SPRED2: variants seen among roughly 807,000 people sequenced by gnomAD.
The protein encoded by SPRED2 is sprouty related EVH1 domain containing 2.
Under a neutral mutation model 43.0 loss-of-function variants are expected in SPRED2, and 47 were observed. The observed-to-expected ratio is 1.09, with a 90% CI of 0.87 to 1.40. The LOEUF is 1.40. Among genes scored for constraint, SPRED2 ranks in the 40% most tolerant of loss-of-function variants. SPRED2 has a pLI of 0.00. For missense variants in SPRED2, 561 were observed against 586.4 expected (o/e 0.96, Z 0.45); for synonymous variants, 225 against 225.7 (o/e 1.00, Z 0.03).
intron 1 of SPRED2, among the ~76,000 whole-genome samples, chr2:65,351,537 A>G (rs1237882318): frequency 1.3e-5 from 2 of 152,132 alleles, no homozygotes; most frequent in African/African-American, 4.8e-5. Context: ...CAACTCCCAG[A>G]CGCCAGCTGA....
chr2:65,362,213 G>T (rs1674832866), intron 1 of SPRED2, among the ~76,000 whole-genome samples: 1 of 152,174 alleles, frequency 6.6e-6, no homozygotes, highest in Non-Finnish European at 1.5e-5. Context: ...TAAGAGGGCT[G>T]AAGTGCCAGC....
At chr2:65,414,503 T>C (rs1312204375) in intron 1 of SPRED2, among the ~76,000 whole-genome samples, 1 of 152,164 alleles carries the variant, frequency 6.6e-6, no homozygotes, top group Non-Finnish European at 1.5e-5. Flanking sequence ...GCCTATCAGT[T>C]GTCATGGAGG....
At chr2:65,322,288 A>ATTTTTTTTT (rs1286632853) in intron 4 of SPRED2, among the ~76,000 whole-genome samples, 2 of 88,546 alleles carry the variant, frequency 2.3e-5, no homozygotes, top group African/African-American at 1.1e-4. Context: ...ATATATATAT[A>ATTTTTTTTT]TATATATTTT....
chr2:65,421,768 T>G (rs1676429143), intron 1 of SPRED2, among the ~76,000 whole-genome samples: 1 of 152,242 alleles, frequency 6.6e-6, no homozygotes. Context: ...AGTTCTGAGG[T>G]GTTTACAGGA....
At chr2:65,418,914 TAA>T (rs1676353766) in intron 1 of SPRED2, among the ~76,000 whole-genome samples, 1 of 152,124 alleles carries the variant, frequency 6.6e-6, no homozygotes, top group African/African-American at 2.4e-5. Flanking sequence ...TAAGTAAGAA[TAA>T]AAGTCTTTTT....
chr2:65,409,377 GAGAATTTTT>G (rs1676098768), intron 1 of SPRED2, among the ~76,000 whole-genome samples: 1 of 152,166 alleles, frequency 6.6e-6, no homozygotes. Flanking sequence ...CTGTTGAAAT[GAGAATTTTT>G]AGATACACTA....
At chr2:65,331,763 C>T (rs1398268691) in intron 4 of SPRED2, among the ~76,000 whole-genome samples, 1 of 152,234 alleles carries the variant, frequency 6.6e-6, no homozygotes, top group African/African-American at 2.4e-5. Flanking sequence ...GGAGAGCTGA[C>T]ACTGCTGTGC....
At chr2:65,373,404 T>C (rs1675173294) in intron 1 of SPRED2, among the ~76,000 whole-genome samples, 1 of 152,234 alleles carries the variant, frequency 6.6e-6, no homozygotes, top group African/African-American at 2.4e-5. Context: ...ATGTCCCTGA[T>C]GCTGGATCTA....
rs369730684 is a variant in SPRED2 at position 65,334,773 on chromosome 2, C to T, written c.205G>A (p.Val69Met). 16 of 1,613,962 alleles carry T rather than the reference C, an allele frequency of 9.9e-6. No homozygotes were observed. Among genetic ancestry groups the T allele is most frequent in the Non-Finnish European group, 1.4e-5 (16 of 1,180,004 alleles). ...IHGERQKDKL[V>M]VLECYVRKDL... is the part of the protein sequence containing the mutation. Reference sequence around the variant, plus strand: ...TTTCTTACATAGCATTCCAATACCACCTGAAGGATGGAAACACACAGGCTG... The same window carrying T: ...TTTCTTACATAGCATTCCAATACCATCTGAAGGATGGAAACACACAGGCTG... The change falls in exon 3 of 6, where the codon GTG becomes ATG. Residue 69 changes from valine (V) to methionine (M), a missense_variant and splice_region_variant. Coordinates refer to ENST00000356388, the MANE Select transcript of SPRED2 (RefSeq NM_181784.3).
rs2104205374 is a variant in SPRED2, at chr2:65,332,031, TG to T, written c.393del (p.Thr132ProfsTer74). The T allele has an allele frequency of 6.2e-7, 1 of 1,609,350 alleles. No homozygotes were observed. Among genetic ancestry groups the T allele is most frequent in the Non-Finnish European group, 8.5e-7 (1 of 1,177,152 alleles). ...CCAAGCTCAGCTTCATTATGGATGG[TG>T]GAAGATGACGTTGTTGAACCTAAAA... The part of the protein sequence containing the change: ...DLIEGSTTSS[S>X]TIHNEAELGD... On this transcript the variant is annotated frameshift_variant, in exon 4 of 6. Transcript: ENST00000356388. LOFTEE classifies it high-confidence loss of function.
chr2:65,396,180 T>C (rs1812560), intron 1 of SPRED2, among the ~76,000 whole-genome samples: 1 of 152,336 alleles, frequency 6.6e-6, no homozygotes, highest in South Asian at 2.1e-4. Flanking sequence ...CAGTTAAAGG[T>C]TGATTACTCT....
intron 4 of SPRED2, among the ~76,000 whole-genome samples, chr2:65,323,830 C>T (rs369957555): frequency 1.1e-3 from 172 of 152,022 alleles, no homozygotes; most frequent in African/African-American, 4.0e-3. Flanking sequence ...GAGCCGAGAT[C>T]GCGCCACTGC....
chr2:65,350,761 C>G (rs1674485037), intron 1 of SPRED2, among the ~76,000 whole-genome samples: 2 of 152,178 alleles, frequency 1.3e-5, no homozygotes, highest in Non-Finnish European at 2.9e-5. Flanking sequence ...CCTTTATGTT[C>G]TAAGTGTTCT....
rs139285329 is a variant in SPRED2 at position 65,425,442 on chromosome 2, A to AT, written c.26+6519dup. Among the ~76,000 whole-genome samples, 39 of 152,396 alleles carry AT rather than the reference A, an allele frequency of 2.6e-4. 1 individual carries two copies. The East Asian group carries it at 7.5e-3, about 29-fold the overall frequency. ...ACCCTTTGAGAGTAGCAGGAAGAAC[A>AT]TAAGCACAATTTGATAATACGTGTG... On this transcript the variant is annotated intron_variant, in intron 1 of 5. Coordinates refer to ENST00000356388, the MANE Select transcript of SPRED2 (RefSeq NM_181784.3).
chr2:65,408,865 C>T (rs1676089392), intron 1 of SPRED2, among the ~76,000 whole-genome samples: 1 of 152,200 alleles, frequency 6.6e-6, no homozygotes, highest in Non-Finnish European at 1.5e-5. Context: ...AAGCGTGAGC[C>T]ACTGCACCTG....
chr2:65,357,531 G>A (rs1168085985), intron 1 of SPRED2, among the ~76,000 whole-genome samples: 2 of 152,106 alleles, frequency 1.3e-5, no homozygotes, highest in African/African-American at 2.4e-5. Context: ...GACAACCCCC[G>A]ATCACACTTT....
At position 65,363,000 on chromosome 2, in the gene SPRED2, G is replaced by GTTTTT. The variant is rs759784526; in HGVS notation, c.27-18105_27-18104insAAAAA. On this transcript the variant is annotated intron_variant, in intron 1 of 5. Transcript: ENST00000356388. ...CACTTGCTTTCTCTATGGTCATCAT[G>GTTTTT]TTTTGTTTTTTTTTTTTTTTTTTTT... Among the ~76,000 whole-genome samples the GTTTTT allele has an allele frequency of 4.4e-3, 294 of 66,804 alleles. 15 individuals are homozygous for GTTTTT. Among genetic ancestry groups the GTTTTT allele is most frequent in the African/African-American group, 0.02 (277 of 14,146 alleles). 43.8% of individuals were successfully genotyped at this position (66,804 alleles called of 152,430 possible).
chr2:65,393,685 G>A (rs771353735), intron 1 of SPRED2, among the ~76,000 whole-genome samples: 1 of 152,074 alleles, frequency 6.6e-6, no homozygotes, highest in African/African-American at 2.4e-5. Context: ...ATTATAAAGC[G>A]ATTTACCAGA....
intron 1 of SPRED2, among the ~76,000 whole-genome samples, chr2:65,380,086 T>C (rs930834259): frequency 6.6e-6 from 1 of 152,152 alleles, no homozygotes; most frequent in Admixed American, 6.5e-5. Flanking sequence ...TGACCTGCAC[T>C]CACATATTCA....
Sources: gnomAD v4.1 joint callset for allele counts (sites outside exome capture counted in the v4.1 genomes callset) on GRCh38, gnomAD v4.1.1 for gene constraint, MANE v1.5 for transcripts, NCBI Gene and HGNC (gene_info 2026-07-23, HGNC 2026-07-21) for gene names.